Variants in PLCB4 observed in about 807,000 individuals in gnomAD.
The protein encoded by PLCB4 is phospholipase C beta 4.
In PLCB4, 77 loss-of-function variants were observed where a neutral mutation model predicts 178.8. That is an observed-to-expected ratio of 0.43 (90% CI 0.36 to 0.52). The LOEUF (loss-of-function observed/expected upper bound fraction) is 0.52. Ranked by LOEUF, PLCB4 falls within the 20% of genes least tolerant of loss-of-function variation. The probability of loss-of-function intolerance (pLI) is 0.00; values close to 1 mark genes in which losing one functional copy is unlikely to be tolerated. For synonymous variants in PLCB4, 496 were observed against 490.8 expected, an observed-to-expected ratio of 1.01 and a Z score of -0.14; for missense variants, 1,024 against 1,453.4, an observed-to-expected ratio of 0.70 and a Z score of 4.80.
chr20:9,160,370 T>C (rs1386136985), intron 2 of PLCB4, among the ~76,000 whole-genome samples: 1 of 152,156 alleles, frequency 6.6e-6, no homozygotes, highest in East Asian at 1.9e-4. Flanking sequence ...TGTTTATTCA[T>C]CCGTATATAC....
chr20:9,400,965 T>C (rs2038978807), intron 19 of PLCB4, among the ~76,000 whole-genome samples: 1 of 152,208 alleles, frequency 6.6e-6, no homozygotes, highest in South Asian at 2.1e-4. Flanking sequence ...ACAAATAGTT[T>C]GCAGGAGTAG....
chr20:9,319,990 T>C (rs1184836638), intron 4 of PLCB4, among the ~76,000 whole-genome samples: 1 of 152,208 alleles, frequency 6.6e-6, no homozygotes, highest in African/African-American at 2.4e-5. Flanking sequence ...GAAAGTATCC[T>C]GATCTAGACC....
intron 9 of PLCB4, among the ~76,000 whole-genome samples, chr20:9,368,677 A>G (rs2035985048): frequency 6.6e-6 from 1 of 152,224 alleles, no homozygotes; most frequent in Admixed American, 6.5e-5. Context: ...CTTTCAGAAC[A>G]CGGTGTTAAA....
chr20:9,092,193 TCTTAA>T (rs2090714105), intron 1 of PLCB4, among the ~76,000 whole-genome samples: 1 of 152,212 alleles, frequency 6.6e-6, no homozygotes, highest in African/African-American at 2.4e-5. Flanking sequence ...GTTAAGACTG[TCTTAA>T]CTTAGAAGAT....
intron 2 of PLCB4, among the ~76,000 whole-genome samples, chr20:9,153,079 G>C (rs952630399): frequency 3.9e-5 from 6 of 152,130 alleles, no homozygotes; most frequent in Non-Finnish European, 8.8e-5. Flanking sequence ...CCCAATACTT[G>C]TACCCTCACT....
chr20:9,123,538 A>AGT (rs796941095), intron 2 of PLCB4, among the ~76,000 whole-genome samples: 34 of 152,002 alleles, frequency 2.2e-4, no homozygotes, highest in Admixed American at 6.6e-4. Context: ...TTTAACATGA[A>AGT]GTAATACCTG....
chr20:9,275,620 A>G lies in PLCB4; in HGVS notation c.-15-32180A>G, dbSNP rs150644501. Among the ~76,000 whole-genome samples the G allele has an allele frequency of 6.1e-4, 93 of 152,160 alleles. 2 individuals are homozygous for G. The East Asian group carries it at 0.018, about 29-fold the overall frequency. On this transcript the variant is annotated intron_variant, in intron 3 of 39. Coordinates refer to ENST00000378473, the MANE Select transcript of PLCB4 (RefSeq NM_001377142.1). ...TCATTCCTGCCTCTAGCTCACGGCC[A>G]CAGTCTAATTTTTTGATAGGGAGCA...
chr20:9,302,745 A>G (rs1239380457), intron 3 of PLCB4, among the ~76,000 whole-genome samples: 1 of 152,182 alleles, frequency 6.6e-6, no homozygotes, highest in South Asian at 2.1e-4. Context: ...TGAATATTTT[A>G]GTAGTTAAGA....
At chr20:9,419,610 T>G (rs1429858308) in intron 25 of PLCB4, among the ~76,000 whole-genome samples, 197 bp from the exon 26 acceptor site, 1 of 152,204 alleles carries the variant, frequency 6.6e-6, no homozygotes, top group Non-Finnish European at 1.5e-5. Context: ...CAGGAAGTCC[T>G]GGATACCACT....
chr20:9,324,858 GAAAA>G (rs961005064), intron 4 of PLCB4, among the ~76,000 whole-genome samples: 1 of 146,364 alleles, frequency 6.8e-6, no homozygotes, highest in Non-Finnish European at 1.5e-5. Context: ...AGCTCTTGTG[GAAAA>G]AAAAAAGCAT....
intron 2 of PLCB4, among the ~76,000 whole-genome samples, chr20:9,104,913 C>T (rs1035788807): frequency 1.3e-5 from 2 of 152,032 alleles, no homozygotes; most frequent in Non-Finnish European, 2.9e-5. Flanking sequence ...CTGTCTTGTA[C>T]AATAATATAT....
At chr20:9,210,748 T>C (rs947339477) in intron 2 of PLCB4, among the ~76,000 whole-genome samples, 2 of 152,182 alleles carry the variant, frequency 1.3e-5, no homozygotes, top group Non-Finnish European at 2.9e-5. Flanking sequence ...ATCAGGCCCA[T>C]GGGCAGCCTC....
At chr20:9,327,475 C>T (rs932970750) in intron 4 of PLCB4, among the ~76,000 whole-genome samples, 9 of 151,442 alleles carry the variant, frequency 5.9e-5, no homozygotes, top group Admixed American at 5.3e-4. Flanking sequence ...AATTCTGTCT[C>T]TTAAAAAAAA....
chr20:9,421,121 C>T (rs2040601001), intron 26 of PLCB4, among the ~76,000 whole-genome samples, 176 bp from the exon 27 acceptor site: 1 of 151,736 alleles, frequency 6.6e-6, no homozygotes, highest in Non-Finnish European at 1.5e-5. Context: ...GGTTTTTTTG[C>T]CTATAGTAGT....
chr20:9,270,315 T>C (rs1568499013), intron 3 of PLCB4, among the ~76,000 whole-genome samples: 3 of 152,148 alleles, frequency 2.0e-5, no homozygotes, highest in Admixed American at 1.3e-4. Context: ...AAAATTCTTG[T>C]CTGTTGTTTG....
chr20:9,150,733 G>A (rs1017528707), intron 2 of PLCB4, among the ~76,000 whole-genome samples: 1 of 152,090 alleles, frequency 6.6e-6, no homozygotes, highest in African/African-American at 2.4e-5. Flanking sequence ...CTCCTGCCAG[G>A]GCTGCCAGAT....
chr20:9,160,209 T>C (rs1720302736), intron 2 of PLCB4, among the ~76,000 whole-genome samples: 1 of 152,158 alleles, frequency 6.6e-6, no homozygotes, highest in Admixed American at 6.5e-5. Flanking sequence ...CTCTAACATT[T>C]GCTGTGGCTT....
intron 3 of PLCB4, among the ~76,000 whole-genome samples, chr20:9,293,238 G>T (rs1425569933): frequency 6.8e-6 from 1 of 147,758 alleles, no homozygotes; most frequent in East Asian, 2.0e-4. Context: ...AAGGAAGGAA[G>T]GGAAGAAAGA....
At chr20:9,211,895 A>G (rs939071645) in intron 2 of PLCB4, among the ~76,000 whole-genome samples, 2 of 152,220 alleles carry the variant, frequency 1.3e-5, no homozygotes, top group Admixed American at 6.5e-5. Flanking sequence ...AGTGTAATAA[A>G]CCATAAAATA....
Sources: allele counts gnomAD v4.1 joint callset (sites outside exome capture counted in the v4.1 genomes callset), GRCh38; gene constraint gnomAD v4.1.1; transcripts MANE v1.5; gene names NCBI Gene and HGNC (gene_info 2026-07-23, HGNC 2026-07-21).